The following EPN2 variants were observed in gnomAD, a reference collection of about 807,000 sequenced individuals.
EPN2 encodes epsin-2.
Under a neutral mutation model 61.7 loss-of-function variants are expected in EPN2, and 34 were observed. That is an observed-to-expected ratio of 0.55 (90% CI 0.42 to 0.73). EPN2 has a LOEUF of 0.73. EPN2 is among the 30% of genes least tolerant of loss of function. The pLI is 0.00. For missense variants in EPN2, 714 were observed against 839.2 expected (o/e 0.85, Z 1.84); for synonymous variants, 349 against 353.6 (o/e 0.99, Z 0.15).
chr17:19,244,485 A>G (rs1314509167), intron 1 of EPN2, among the ~76,000 whole-genome samples: 1 of 151,770 alleles, frequency 6.6e-6, no homozygotes, highest in African/African-American at 2.4e-5. Context: ...AAAGAATTGT[A>G]ACTTGAAAAG....
chr17:19,330,856 G>C (rs372673105), intron 9 of EPN2, among the ~76,000 whole-genome samples: 1 of 152,154 alleles, frequency 6.6e-6, no homozygotes, highest in Non-Finnish European at 1.5e-5. Context: ...AAATTAGCCA[G>C]ATGTGGTCGT....
intron 7 of EPN2, among the ~76,000 whole-genome samples, chr17:19,318,990 A>G (rs1161480061): frequency 6.6e-6 from 1 of 152,144 alleles, no homozygotes; most frequent in Non-Finnish European, 1.5e-5. Context: ...TGAGGCCAAG[A>G]GTTCGAGACC....
intron 7 of EPN2, among the ~76,000 whole-genome samples, chr17:19,320,171 G>A (rs1411688492): frequency 6.6e-6 from 1 of 152,218 alleles, no homozygotes; most frequent in Non-Finnish European, 1.5e-5. Context: ...TGAAATCATG[G>A]CTCAGACATC....
intron 9 of EPN2, among the ~76,000 whole-genome samples, chr17:19,330,345 A>G (rs1192821910): frequency 1.3e-5 from 2 of 151,366 alleles, no homozygotes; most frequent in Admixed American, 6.6e-5. Flanking sequence ...TGCCTCCCCC[A>G]ATTTCCCTAC....
At chr17:19,308,752 C>CG (rs1905978239) in intron 4 of EPN2, 1 of 847,576 alleles carries the variant, frequency 1.2e-6, no homozygotes, top group Non-Finnish European at 1.4e-6. Context: ...CTTCCTGAAA[C>CG]GGGGGCAGAG....
At chr17:19,240,882 C>G (rs1364724373) in intron 1 of EPN2, among the ~76,000 whole-genome samples, 1 of 152,180 alleles carries the variant, frequency 6.6e-6, no homozygotes, top group African/African-American at 2.4e-5. Context: ...AGGTTTGTCA[C>G]CAGTATTCCT....
chr17:19,313,387 G>C, intron 7 of EPN2, 108 bp downstream of exon 7: 1 of 1,055,840 alleles, frequency 9.5e-7, no homozygotes, highest in Admixed American at 3.1e-5. Flanking sequence ...ATTGTGGTGG[G>C]TGTCCAGGCT....
At chr17:19,310,905 A>G (rs1906105974) in intron 5 of EPN2, among the ~76,000 whole-genome samples, 1 of 151,966 alleles carries the variant, frequency 6.6e-6, no homozygotes, top group Non-Finnish European at 1.5e-5. Flanking sequence ...AGCATGCATT[A>G]CTTTACAACA....
chr17:19,275,251 T>A (rs999856464), intron 1 of EPN2, among the ~76,000 whole-genome samples: 1 of 152,232 alleles, frequency 6.6e-6, no homozygotes, highest in African/African-American at 2.4e-5. Context: ...TTTTGTTGTT[T>A]GGCTGTTGTT....
chr17:19,278,177 T>C (rs1378225694), intron 1 of EPN2, among the ~76,000 whole-genome samples: 1 of 152,120 alleles, frequency 6.6e-6, no homozygotes, highest in Non-Finnish European at 1.5e-5. Flanking sequence ...GGTCTCGCCA[T>C]GTTGCCCAGG....
At chr17:19,258,580 A>G (rs910554682) in intron 1 of EPN2, among the ~76,000 whole-genome samples, 2 of 152,130 alleles carry the variant, frequency 1.3e-5, no homozygotes, top group Non-Finnish European at 2.9e-5. Context: ...GAGTTTTCAG[A>G]AGGGAAAACA....
intron 1 of EPN2, among the ~76,000 whole-genome samples, chr17:19,268,345 T>C (rs1263275237): frequency 1.3e-5 from 2 of 152,144 alleles, no homozygotes; most frequent in African/African-American, 4.8e-5. Context: ...CAAACCTGTG[T>C]CAACTAAACT....
At chr17:19,331,544 T>C (rs767252337) in intron 9 of EPN2, among the ~76,000 whole-genome samples, 5 of 152,090 alleles carry the variant, frequency 3.3e-5, no homozygotes, top group African/African-American at 4.8e-5. Flanking sequence ...AAATTGCCCA[T>C]GCCTAGCTTC....
intron 1 of EPN2, among the ~76,000 whole-genome samples, chr17:19,280,593 T>C (rs1046915588): frequency 1.2e-4 from 19 of 152,204 alleles, no homozygotes; most frequent in Non-Finnish European, 2.8e-4. Flanking sequence ...CCAGAGCAGA[T>C]GTATGGGTTA....
intron 1 of EPN2, among the ~76,000 whole-genome samples, chr17:19,242,695 A>G (rs145067539): frequency 2.0e-5 from 3 of 152,326 alleles, no homozygotes; most frequent in African/African-American, 7.2e-5. Flanking sequence ...AAGGAATTGG[A>G]CATGCAAAGG....
chr17:19,254,548 A>G (rs929255204), intron 1 of EPN2, among the ~76,000 whole-genome samples: 2 of 151,850 alleles, frequency 1.3e-5, no homozygotes. Flanking sequence ...CTCAAAAAAA[A>G]CAAAAACAAA....
chr17:19,276,924 C>A lies in EPN2; in HGVS notation c.-293-5031C>A, dbSNP rs559594894. ...GAAATTATTGTGAGCTGATCACACA[C>A]TTCCTCAGGTTTGAGTGAGGAGCCC... On this transcript the variant is annotated intron_variant, in intron 1 of 10. Transcript: ENST00000314728. 7.2e-5 allele frequency among the ~76,000 whole-genome samples: 11 copies of A among 152,218 alleles called. No individual in the cohort carries two copies. The South Asian group carries it at 2.1e-3, about 29-fold the overall frequency.
At chr17:19,238,888 A>G (rs1224439487) in intron 1 of EPN2, among the ~76,000 whole-genome samples, 3 of 152,216 alleles carry the variant, frequency 2.0e-5, no homozygotes, top group Admixed American at 6.5e-5. Flanking sequence ...TAAGAATCCA[A>G]GCTTCCTCTC....
intron 4 of EPN2, chr17:19,307,939 CAA>C (rs1905931749): frequency 6.1e-6 from 6 of 985,140 alleles, no homozygotes; most frequent in South Asian, 9.4e-5. Flanking sequence ...TAGTTTCTCT[CAA>C]AGAGGAAAAC....
Sources: allele counts gnomAD v4.1 joint callset (sites outside exome capture counted in the v4.1 genomes callset), GRCh38; gene constraint gnomAD v4.1.1; transcripts MANE v1.5; gene names NCBI Gene and HGNC (gene_info 2026-07-23, HGNC 2026-07-21).